The following EPHA4 variants were observed in gnomAD, a reference collection of about 807,000 sequenced individuals.
EPHA4 encodes the protein ephrin type-A receptor 4.
A neutral mutation model predicts 108.3 loss-of-function variants in EPHA4; 19 were observed. That is an observed-to-expected ratio of 0.18 (90% confidence interval 0.12 to 0.26). The LOEUF is 0.26. EPHA4 is among the 10% of genes least tolerant of loss of function. The pLI is 1.00. For synonymous variants in EPHA4, 449 were observed against 455.5 expected (o/e 0.99, Z 0.18); for missense variants, 917 against 1,254.0 (o/e 0.73, Z 4.06).
At chr2:221,572,117 C>G (rs371364919) in intron 1 of EPHA4, 41 bp downstream of exon 1, 139 of 1,563,622 alleles carry the variant, frequency 8.9e-5, no homozygotes, top group Non-Finnish European at 1.1e-4. Flanking sequence ...CGCGATGGCC[C>G]CTCGCTGTCC....
At chr2:221,496,673 C>T (rs1435441754) in intron 4 of EPHA4, among the ~76,000 whole-genome samples, 1 of 151,940 alleles carries the variant, frequency 6.6e-6, no homozygotes, top group Non-Finnish European at 1.5e-5. Flanking sequence ...TTTGGGAGGC[C>T]GAGGTGGGTG....
At chr2:221,441,238 A>G (rs559740850) in intron 11 of EPHA4, among the ~76,000 whole-genome samples, 1 of 150,184 alleles carries the variant, frequency 6.7e-6, no homozygotes, top group South Asian at 2.1e-4. Context: ...TTTCTATTAA[A>G]AAAATAGAGT....
rs1292811023 is a variant in EPHA4 at position 221,420,211 on chromosome 2, A to C, written c.*1161T>G. On this transcript the variant is annotated 3_prime_UTR_variant, in exon 18 of 18. Transcript: ENST00000281821. The stretch of plus-strand genomic sequence containing the variant: ...ACCAATGCAGCAGTGACACACAGGA[A>C]TGAAATATGGAAATACATATAAATA... The C allele has an allele frequency of 6.6e-6, 1 of 152,366 alleles. No homozygotes were observed. Among genetic ancestry groups the C allele is most frequent in the African/African-American group, 2.4e-5 (1 of 41,272 alleles). The allele number at this position is 152,366 out of a possible 1,614,324, so 9.4% of individuals were successfully genotyped here.
intron 3 of EPHA4, among the ~76,000 whole-genome samples, chr2:221,553,761 G>GAA (rs1694228043): frequency 6.6e-6 from 1 of 152,244 alleles, no homozygotes; most frequent in East Asian, 1.9e-4. Flanking sequence ...TGAACAGTAT[G>GAA]AAAAAAATCC....
rs937656922 is a variant in EPHA4, at chr2:221,571,146, G to A, written c.91+1012C>T. Among the ~76,000 whole-genome samples the A allele has an allele frequency of 2.0e-5, 3 of 151,774 alleles. No individual in the cohort carries two copies. Among genetic ancestry groups the A allele is most frequent in the African/African-American group, 7.3e-5 (3 of 41,310 alleles). ...TACATACACGCAGTTGCACGCGCGC[G>A]CACACACACAGGCACACACACGCAG... On this transcript the variant is annotated intron_variant, in intron 1 of 17. Coordinates refer to ENST00000281821, the MANE Select transcript of EPHA4 (RefSeq NM_004438.5). The surrounding 1 kb of genome is among the most constrained non-coding windows in gnomAD (Gnocchi z 6.3).
chr2:221,471,222 TTTTTTG>T (rs1195822364), intron 5 of EPHA4, among the ~76,000 whole-genome samples: 1 of 152,118 alleles, frequency 6.6e-6, no homozygotes, highest in Non-Finnish European at 1.5e-5. Flanking sequence ...TTAGGACTTG[TTTTTTG>T]TTTTTGTTTT....
chr2:221,489,508 C>A (rs1692079040), intron 4 of EPHA4, among the ~76,000 whole-genome samples: 1 of 152,134 alleles, frequency 6.6e-6, no homozygotes, highest in African/African-American at 2.4e-5. Context: ...CTTTGACTGA[C>A]TGACTTCTTA....
chr2:221,539,155 A>C (rs902040607), intron 3 of EPHA4, among the ~76,000 whole-genome samples: 3 of 152,094 alleles, frequency 2.0e-5, no homozygotes, highest in African/African-American at 7.2e-5. Context: ...GAGTAGGAGT[A>C]AGCGCTAATA....
chr2:221,495,495 G>A (rs1408486405), intron 4 of EPHA4, among the ~76,000 whole-genome samples: 1 of 152,160 alleles, frequency 6.6e-6, no homozygotes, highest in Non-Finnish European at 1.5e-5. Flanking sequence ...TGATTTTTGT[G>A]CATGTGGATG....
At chr2:221,519,798 T>A (rs1035465375) in intron 3 of EPHA4, among the ~76,000 whole-genome samples, 1 of 152,138 alleles carries the variant, frequency 6.6e-6, no homozygotes, top group Non-Finnish European at 1.5e-5. Flanking sequence ...AAAAGGCCTG[T>A]ACATAGTGGT....
chr2:221,451,835 G>C (rs1227552140), intron 8 of EPHA4, among the ~76,000 whole-genome samples: 1 of 152,148 alleles, frequency 6.6e-6, no homozygotes, highest in Non-Finnish European at 1.5e-5. Flanking sequence ...TTAGTAGTTT[G>C]ATTCTTTCAC....
intron 8 of EPHA4, among the ~76,000 whole-genome samples, chr2:221,454,462 T>C (rs1485524523): frequency 6.6e-6 from 1 of 152,182 alleles, no homozygotes; most frequent in Non-Finnish European, 1.5e-5. Context: ...TGCGACAAAC[T>C]TGGGCAAGAA....
chr2:221,460,732 T>C (rs1456198852), intron 5 of EPHA4, among the ~76,000 whole-genome samples: 1 of 152,132 alleles, frequency 6.6e-6, no homozygotes, highest in African/African-American at 2.4e-5. Context: ...ACTTTACATC[T>C]AGAAGGCATC....
intron 2 of EPHA4, among the ~76,000 whole-genome samples, chr2:221,566,914 G>A (rs1051808111): frequency 0.013 from 488 of 38,146 alleles, 95 homozygotes; most frequent in African/African-American, 0.018. Context: ...GAAGGAGAAG[G>A]AGAAGGAGAA....
chr2:221,571,528 G>C lies in EPHA4; in HGVS notation c.91+630C>G, dbSNP rs1268916229. Among the ~76,000 whole-genome samples the C allele has an allele frequency of 6.6e-6, 1 of 152,218 alleles. No homozygotes were observed. The highest frequency in any genetic ancestry group is 2.4e-5 in the African/African-American group (1 of 41,470). Reference sequence around the variant, plus strand: ...GTTCCCCAAGTCTGCGGGGCGAAGAGCTCGGGCCCCTCAGGCCCGCAATCG... The same window carrying C: ...GTTCCCCAAGTCTGCGGGGCGAAGACCTCGGGCCCCTCAGGCCCGCAATCG... On this transcript the variant is annotated intron_variant, in intron 1 of 17. Transcript: ENST00000281821. The surrounding 1 kb of genome is among the most constrained non-coding windows in gnomAD (Gnocchi z 6.3).
intron 3 of EPHA4, among the ~76,000 whole-genome samples, chr2:221,507,187 A>T (rs983796524): frequency 6.6e-6 from 1 of 152,044 alleles, no homozygotes; most frequent in African/African-American, 2.4e-5. Flanking sequence ...TTGAGCCTCT[A>T]CTCCATGGTT....
intron 3 of EPHA4, among the ~76,000 whole-genome samples, chr2:221,521,378 T>A (rs754531763): frequency 9.9e-5 from 15 of 152,104 alleles, no homozygotes; most frequent in Non-Finnish European, 2.1e-4. Context: ...CCAGACCAAA[T>A]GCCAGAGACA....
intron 6 of EPHA4, among the ~76,000 whole-genome samples, chr2:221,457,282 GCT>G (rs531586352): frequency 4.3e-4 from 65 of 152,272 alleles, no homozygotes; most frequent in South Asian, 2.7e-3. Flanking sequence ...AATGCAAATA[GCT>G]CTCTTCAAAA....
chr2:221,455,515 G>A lies in EPHA4; in HGVS notation c.1715+32C>T, dbSNP rs774802906. The A allele has an allele frequency of 2.6e-6, 4 of 1,515,674 alleles. No individual in the cohort carries two copies. The South Asian group carries it at 4.5e-5, about 17-fold the overall frequency. 93.9% of individuals were successfully genotyped at this position (1,515,674 alleles called of 1,614,324 possible). A position where few individuals can be genotyped will look rare whatever the true frequency, so the allele number is the denominator to read the frequency against. On this transcript the variant is annotated intron_variant, in intron 8 of 17. Transcript: ENST00000281821. ...ACCATCATAAACACTGGGAAGGTCG[G>A]GGGCTGCACAGTGAGTGGCTTCAGT...
Sources: allele counts gnomAD v4.1 joint callset (sites outside exome capture counted in the v4.1 genomes callset), GRCh38; gene constraint gnomAD v4.1.1; non-coding constraint Gnocchi (gnomAD v3.1); transcripts MANE v1.5; gene names NCBI Gene and HGNC (gene_info 2026-07-23, HGNC 2026-07-21).